The following FAAH2 variants were observed in gnomAD, a reference collection of about 807,000 sequenced individuals.
The protein encoded by FAAH2 is fatty acid amide hydrolase 2, also known as fatty-acid amide hydrolase 2.
FAAH2 carries 60 observed loss-of-function variants against 36.9 expected under a neutral mutation model. That is an observed-to-expected ratio of 1.63 (90% CI 1.32 to 2.02). The LOEUF is 2.02. Among genes scored for constraint, FAAH2 ranks in the 30% most tolerant of loss-of-function variants. FAAH2 has a pLI of 0.00. For missense variants in FAAH2, 689 were observed against 397.5 expected (o/e 1.73, Z -6.23); for synonymous variants, 214 against 143.8 (o/e 1.49, Z -3.49).
the FAAH2 span, among the ~76,000 whole-genome samples, chrX:57,222,073 A>G: frequency 9.0e-5 from 10 of 111,216 alleles, no homozygotes; most frequent in Admixed American, 8.6e-4. Flanking sequence ...TCAGTCACCT[A>G]TCTATGCCTA....
chrX:57,159,187 C>G, the FAAH2 span, among the ~76,000 whole-genome samples: 1 of 111,431 alleles, frequency 9.0e-6, no homozygotes, highest in Non-Finnish European at 1.9e-5. Context: ...CTGTTCTGTT[C>G]CATTTGTCTA....
At chrX:57,178,401 G>A in the FAAH2 span, among the ~76,000 whole-genome samples, 6 of 111,747 alleles carry the variant, frequency 5.4e-5, no homozygotes, top group South Asian at 1.5e-3. Flanking sequence ...CTAGGAGGTG[G>A]CACTTGCAAT....
intron 10 of FAAH2, among the ~76,000 whole-genome samples, chrX:57,486,446 A>G (rs942884710): frequency 5.4e-5 from 6 of 111,886 alleles, no homozygotes; most frequent in African/African-American, 1.9e-4. Context: ...ACTTCAGCTA[A>G]GCAAACTCAT....
chrX:57,418,693 C>T (rs752464677), intron 7 of FAAH2, among the ~76,000 whole-genome samples: 37 of 70,032 alleles, frequency 5.3e-4, no homozygotes, highest in African/African-American at 1.6e-3. Flanking sequence ...TGCCTGCACC[C>T]TTTTATTCTT....
At chrX:57,370,958 G>T (rs1044294223) in intron 5 of FAAH2, among the ~76,000 whole-genome samples, 3 of 111,410 alleles carry the variant, frequency 2.7e-5, no homozygotes, top group Non-Finnish European at 5.7e-5. Context: ...AGACCAAATG[G>T]TACTAATAGA....
the FAAH2 span, among the ~76,000 whole-genome samples, chrX:57,130,997 C>A: frequency 9.0e-6 from 1 of 111,698 alleles, no homozygotes; most frequent in Non-Finnish European, 1.9e-5. Flanking sequence ...CCCCTGGCTG[C>A]ATATCTCTCA....
chrX:57,236,658 T>C, the FAAH2 span, among the ~76,000 whole-genome samples: 1 of 112,037 alleles, frequency 8.9e-6, no homozygotes, highest in Non-Finnish European at 1.9e-5. Flanking sequence ...TTTTAAGATA[T>C]GTCTTTTCAG....
At chrX:57,431,831 C>T (rs1309589344) in intron 7 of FAAH2, 87 bp from the exon 8 acceptor site, 2 of 553,817 alleles carry the variant, frequency 3.6e-6, no homozygotes, top group Non-Finnish European at 4.5e-6. Flanking sequence ...CTGGCGCTTT[C>T]TGCTCTGCCA....
chrX:57,141,740 A>T, the FAAH2 span, among the ~76,000 whole-genome samples: 4 of 110,306 alleles, frequency 3.6e-5, no homozygotes, highest in South Asian at 1.2e-3. Flanking sequence ...ATCTGTAACA[A>T]TTTTTTTATT....
intron 3 of FAAH2, among the ~76,000 whole-genome samples, chrX:57,324,123 T>C (rs2053131330): frequency 8.9e-6 from 1 of 111,900 alleles, no homozygotes; most frequent in Non-Finnish European, 1.9e-5. Context: ...CTTGTTTTTG[T>C]CAGGTTTGTC....
chrX:57,355,127 C>T (rs929720504), intron 5 of FAAH2, among the ~76,000 whole-genome samples: 1 of 110,585 alleles, frequency 9.0e-6, no homozygotes, highest in Non-Finnish European at 1.9e-5. Context: ...TAAATAACCT[C>T]CAGAGTCTCA....
At chrX:57,443,781 G>A (rs2056614350) in intron 8 of FAAH2, among the ~76,000 whole-genome samples, 1 of 111,999 alleles carries the variant, frequency 8.9e-6, no homozygotes, top group South Asian at 3.7e-4. Context: ...GTGACGTACA[G>A]ATGGGGTTTA....
chrX:57,284,288 C>A (rs2499552), upstream of FAAH2, among the ~76,000 whole-genome samples: 1,031 of 111,382 alleles, frequency 9.3e-3, 15 homozygotes, highest in African/African-American at 0.032. Flanking sequence ...GCAGGAGAAT[C>A]ACTTGAACCC....
At chrX:57,315,122 C>T (rs1379753323) in intron 3 of FAAH2, among the ~76,000 whole-genome samples, 3 of 110,928 alleles carry the variant, frequency 2.7e-5, no homozygotes, top group Non-Finnish European at 5.7e-5. Flanking sequence ...AAGATTGTCA[C>T]AATCAATTCA....
At chrX:57,419,521 G>A (rs1247351351) in intron 7 of FAAH2, among the ~76,000 whole-genome samples, 6 of 112,046 alleles carry the variant, frequency 5.4e-5, no homozygotes. Context: ...GTCTTCTTTT[G>A]AGAAGTGTCT....
At chrX:57,157,812 T>A in the FAAH2 span, among the ~76,000 whole-genome samples, 1 of 110,224 alleles carries the variant, frequency 9.1e-6, no homozygotes, top group African/African-American at 3.3e-5. Flanking sequence ...GTTTAATTTT[T>A]ATTTTTTATT....
chrX:57,212,741 G>T, the FAAH2 span, among the ~76,000 whole-genome samples: 91 of 111,965 alleles, frequency 8.1e-4, 1 homozygote, highest in Non-Finnish European at 1.6e-3. Flanking sequence ...TGAAAGATAT[G>T]AATCATAACT....
chrX:57,168,020 C>T, the FAAH2 span, among the ~76,000 whole-genome samples: 8 of 111,508 alleles, frequency 7.2e-5, no homozygotes, highest in Admixed American at 1.9e-4. Flanking sequence ...ATGAATTAAA[C>T]TATGAATTGA....
intron 5 of FAAH2, among the ~76,000 whole-genome samples, chrX:57,363,600 T>A (rs764453787): frequency 2.7e-5 from 3 of 111,426 alleles, no homozygotes; most frequent in Non-Finnish European, 3.8e-5. Flanking sequence ...CCCAGCACTA[T>A]GTTGAATAGG....
Sources: gnomAD v4.1 joint callset for allele counts (sites outside exome capture counted in the v4.1 genomes callset) on GRCh38, gnomAD v4.1.1 for gene constraint, MANE v1.5 for transcripts, NCBI Gene and HGNC (gene_info 2026-07-23, HGNC 2026-07-21) for gene names.